Variants in GRIK1 observed in about 807,000 individuals in gnomAD.
The protein encoded by GRIK1 is glutamate ionotropic receptor kainate type subunit 1, also known as glutamate receptor ionotropic, kainate 1.
In GRIK1, 69 loss-of-function variants were observed where a neutral mutation model predicts 105.7. The ratio of observed to expected loss-of-function variants is 0.65; its 90% CI spans 0.54 to 0.80. The LOEUF (loss-of-function observed/expected upper bound fraction) is 0.80. Among genes scored for constraint, GRIK1 ranks in the 30% least tolerant of loss-of-function variants. GRIK1 has a pLI of 0.00. For synonymous variants in GRIK1, 438 were observed against 431.3 expected, an observed-to-expected ratio of 1.02 and a Z score of -0.19; for missense variants, 1,109 against 1,167.3, an observed-to-expected ratio of 0.95 and a Z score of 0.73.
At chr21:29,820,998 T>C (rs927515016) in intron 1 of GRIK1, among the ~76,000 whole-genome samples, 2 of 151,000 alleles carry the variant, frequency 1.3e-5, no homozygotes, top group Non-Finnish European at 2.9e-5. Context: ...TCCTGAGCAA[T>C]ATCCTATAAA....
intron 4 of GRIK1, among the ~76,000 whole-genome samples, chr21:29,659,686 C>T (rs1349909122): frequency 2.0e-5 from 3 of 152,120 alleles, no homozygotes; most frequent in African/African-American, 4.8e-5. Flanking sequence ...GCCGGCCAGG[C>T]GCGGTGGCTC....
intron 4 of GRIK1, among the ~76,000 whole-genome samples, chr21:29,672,146 C>A (rs892022590): frequency 1.3e-5 from 2 of 151,188 alleles, no homozygotes; most frequent in African/African-American, 4.9e-5. Context: ...CAACCTCTGC[C>A]TCCTGGGTTC....
chr21:29,622,824 A>G (rs1780213306), intron 7 of GRIK1, among the ~76,000 whole-genome samples: 1 of 152,208 alleles, frequency 6.6e-6, no homozygotes, highest in Non-Finnish European at 1.5e-5. Flanking sequence ...CTGTCCCTCT[A>G]GGGAAACTGA....
At chr21:29,706,385 A>G (rs1452823642) in intron 1 of GRIK1, among the ~76,000 whole-genome samples, 1 of 152,180 alleles carries the variant, frequency 6.6e-6, no homozygotes, top group Non-Finnish European at 1.5e-5. Flanking sequence ...GCATTTACAC[A>G]TTTACCACGA....
At chr21:29,541,870 C>T (rs547504533) in intron 16 of GRIK1, among the ~76,000 whole-genome samples, 28 of 152,102 alleles carry the variant, frequency 1.8e-4, no homozygotes, top group African/African-American at 5.5e-4. Flanking sequence ...CCACAGTCCC[C>T]GGCAATTTAA....
chr21:29,633,452 C>T (rs1030037078), intron 7 of GRIK1, among the ~76,000 whole-genome samples: 18 of 152,000 alleles, frequency 1.2e-4, no homozygotes, highest in Non-Finnish European at 2.2e-4. Context: ...GAACCAAGAT[C>T]GCACCACTGC....
chr21:29,588,377 G>C (rs1328906646), intron 11 of GRIK1, among the ~76,000 whole-genome samples: 1 of 152,156 alleles, frequency 6.6e-6, no homozygotes, highest in Non-Finnish European at 1.5e-5. Flanking sequence ...GGTGGGACCA[G>C]GTGGAAGTAA....
chr21:29,551,484 T>C (rs8134548), intron 16 of GRIK1, among the ~76,000 whole-genome samples: 115,057 of 152,030 alleles, frequency 0.76, 43,602 homozygotes, highest in Middle Eastern at 0.81. Context: ...TAACTACAGG[T>C]CGATGATGGA....
At chr21:29,796,892 T>A (rs2066573311) in intron 1 of GRIK1, among the ~76,000 whole-genome samples, 2 of 151,766 alleles carry the variant, frequency 1.3e-5, no homozygotes, top group Non-Finnish European at 2.9e-5. Flanking sequence ...GAGGTTTCAG[T>A]GAGCTGAGAT....
intron 1 of GRIK1, among the ~76,000 whole-genome samples, chr21:29,870,129 A>C (rs1380129416): frequency 1.3e-5 from 2 of 152,170 alleles, no homozygotes; most frequent in Non-Finnish European, 2.9e-5. Flanking sequence ...AGCATTGTGT[A>C]TTTTACCTAG....
intron 14 of GRIK1, among the ~76,000 whole-genome samples, chr21:29,573,964 A>G (rs945116714): frequency 6.6e-6 from 1 of 152,128 alleles, no homozygotes; most frequent in African/African-American, 2.4e-5. Context: ...TTGAGCACTG[A>G]CATGTTGTCC....
At chr21:29,911,356 G>A (rs1347337438) in intron 1 of GRIK1, among the ~76,000 whole-genome samples, 1 of 151,956 alleles carries the variant, frequency 6.6e-6, no homozygotes, top group African/African-American at 2.4e-5. Context: ...CTTCAAAATG[G>A]TACTGCGATG....
intron 1 of GRIK1, among the ~76,000 whole-genome samples, chr21:29,823,572 T>A (rs1243990055): frequency 6.6e-6 from 1 of 151,926 alleles, no homozygotes; most frequent in Admixed American, 6.6e-5. Flanking sequence ...GAAATAATTA[T>A]TTTTTTGATC....
At chr21:29,669,163 A>C (rs750449246) in intron 4 of GRIK1, among the ~76,000 whole-genome samples, 19 of 152,350 alleles carry the variant, frequency 1.2e-4, no homozygotes, top group Non-Finnish European at 2.6e-4. Context: ...TATGAATAGA[A>C]ATAATTACTT....
chr21:29,715,508 G>T (rs754186698), intron 1 of GRIK1, among the ~76,000 whole-genome samples: 1 of 151,982 alleles, frequency 6.6e-6, no homozygotes, highest in African/African-American at 2.4e-5. Flanking sequence ...ATGCAAAAAT[G>T]TGTGGGAAAC....
At chr21:29,648,864 G>A (rs1462550685) in intron 6 of GRIK1, among the ~76,000 whole-genome samples, 1 of 152,192 alleles carries the variant, frequency 6.6e-6, no homozygotes, top group Admixed American at 6.5e-5. Flanking sequence ...GACAGCAAGT[G>A]CTTGATGTGC....
intron 1 of GRIK1, among the ~76,000 whole-genome samples, chr21:29,801,146 GTAGTGACTCTTTGGAA>G (rs967550355): frequency 2.0e-5 from 3 of 152,020 alleles, no homozygotes; most frequent in African/African-American, 7.2e-5. Context: ...AGAGCCAGGA[GTAGTGACTCTTTGGAA>G]TGCTTTTAAG....
chr21:29,907,240 C>T (rs1044021199), intron 1 of GRIK1, among the ~76,000 whole-genome samples: 43 of 151,760 alleles, frequency 2.8e-4, no homozygotes, highest in Admixed American at 1.7e-3. Context: ...TTCAGAGTCC[C>T]TAAAAATTGC....
At chr21:29,707,430 TCCTCCCTCCCTCCCTCCCTCCCTC>T (rs1216023795) in intron 1 of GRIK1, among the ~76,000 whole-genome samples, 2 of 91,050 alleles carry the variant, frequency 2.2e-5, no homozygotes, top group African/African-American at 1.0e-4. Context: ...TTCTTTCCCT[TCCTCCCTCCCTCCCTCCCTCCCTC>T]CCTCCCTCCC....
Sources: gnomAD v4.1 joint callset for allele counts (sites outside exome capture counted in the v4.1 genomes callset) on GRCh38, gnomAD v4.1.1 for gene constraint, MANE v1.5 for transcripts, NCBI Gene and HGNC (gene_info 2026-07-23, HGNC 2026-07-21) for gene names.